NCS1: variants seen among roughly 807,000 people sequenced by gnomAD.
NCS1 encodes neuronal calcium sensor 1.
NCS1 carries 6 observed loss-of-function variants against 28.4 expected under a neutral mutation model. The observed-to-expected ratio is 0.21, with a 90% CI of 0.12 to 0.42. The LOEUF (loss-of-function observed/expected upper bound fraction) is 0.42, where lower values mean the gene tolerates loss of function less well. Among genes scored for constraint, NCS1 ranks in the 10% least tolerant of loss-of-function variants. NCS1 has a pLI of 1.00. For missense variants in NCS1, 131 were observed against 241.4 expected, an observed-to-expected ratio of 0.54 and a Z score of 3.03; for synonymous variants, 86 against 99.3, an observed-to-expected ratio of 0.87 and a Z score of 0.79.
rs1554912353 is a variant in NCS1 at position 130,233,152 on chromosome 9, C to T, written c.*180C>T. The T allele has an allele frequency of 6.5e-6, 1 of 152,736 alleles. No individual in the cohort carries two copies. The highest frequency in any genetic ancestry group is 2.4e-5 in the African/African-American group (1 of 41,406). 9.5% of individuals were successfully genotyped at this position (152,736 alleles called of 1,614,324 possible). ...TCCCCTGTCCTGCACCCATCCCCCG[C>T]CTGAAGCCACCGGCTCCAATTGCCA... On this transcript the variant is annotated 3_prime_UTR_variant, in exon 8 of 8. Coordinates refer to ENST00000372398, the MANE Select transcript of NCS1 (RefSeq NM_014286.4). This position sits in a 1 kb window ranked among gnomAD's most constrained non-coding sequence, Gnocchi z 4.8.
intron 1 of NCS1, among the ~76,000 whole-genome samples, chr9:130,199,470 G>C (rs1832915078): frequency 6.6e-6 from 1 of 152,210 alleles, no homozygotes; most frequent in South Asian, 2.1e-4. Flanking sequence ...TGTGGGAGGA[G>C]AGTGCTGACC....
chr9:130,191,386 C>T lies in NCS1; in HGVS notation c.65-9572C>T, dbSNP rs889224637. Among the ~76,000 whole-genome samples the T allele has an allele frequency of 3.9e-5, 6 of 152,146 alleles. No homozygotes were observed. The highest frequency in any genetic ancestry group is 1.4e-4 in the African/African-American group (6 of 41,440). ...CCAGGGACTCCATCTACTCGCCATTCCTGAAGACAGGCTGGGAGATCCCCC... is the reference window on the plus strand; with the variant it reads ...CCAGGGACTCCATCTACTCGCCATTTCTGAAGACAGGCTGGGAGATCCCCC... On this transcript the variant is annotated intron_variant, in intron 1 of 7. Coordinates refer to ENST00000372398, the MANE Select transcript of NCS1 (RefSeq NM_014286.4). The surrounding 1 kb of genome is among the most constrained non-coding windows in gnomAD (Gnocchi z 6.4).
At chr9:130,188,582 A>G (rs1009903993) in intron 1 of NCS1, among the ~76,000 whole-genome samples, 1 of 147,878 alleles carries the variant, frequency 6.8e-6, no homozygotes, top group Admixed American at 6.8e-5. Flanking sequence ...CTAATTTTAT[A>G]TTTTTAGTAG....
Position 130,186,058 on chromosome 9 carries a change from G to A in NCS1, c.64+13331G>A, listed in dbSNP as rs1375166837. 6.6e-6 allele frequency among the ~76,000 whole-genome samples: 1 copy of A among 152,246 alleles called. No individual in the cohort carries two copies. Among genetic ancestry groups the A allele is most frequent in the Non-Finnish European group, 1.5e-5 (1 of 68,036 alleles). On this transcript the variant is annotated intron_variant, in intron 1 of 7. Transcript: ENST00000372398. This position sits in a 1 kb window ranked among gnomAD's most constrained non-coding sequence, Gnocchi z 4.1. The stretch of plus-strand genomic sequence containing the variant: ...AGGAAGGAGGCATGGCCAGCAGGGA[G>A]CAGAGGGGAGGCCCTGGGTCCTGTG...
At chr9:130,197,616 C>CT (rs1832891741) in intron 1 of NCS1, among the ~76,000 whole-genome samples, 1 of 152,146 alleles carries the variant, frequency 6.6e-6, no homozygotes, top group African/African-American at 2.4e-5. Context: ...GGCGGGAGGG[C>CT]TGGGGGCAGG....
At position 130,177,128 on chromosome 9, in the gene NCS1, G is replaced by A. The variant is rs1299741111; in HGVS notation, c.64+4401G>A. On this transcript the variant is annotated intron_variant, in intron 1 of 7. Transcript: ENST00000372398. This position sits in a 1 kb window ranked among gnomAD's most constrained non-coding sequence, Gnocchi z 4.4. ...ATGCCCAGAATGGTGCCGGCACACA[G>A]GAGCAGGTGGAGGGCAGGAGCCCAC... 6.6e-6 allele frequency among the ~76,000 whole-genome samples: 1 copy of A among 152,226 alleles called. No individual in the cohort carries two copies. The highest frequency in any genetic ancestry group is 1.5e-5 in the Non-Finnish European group (1 of 68,044).
chr9:130,175,679 G>C lies in NCS1; in HGVS notation c.64+2952G>C, dbSNP rs1406697195. 2.0e-5 allele frequency among the ~76,000 whole-genome samples: 3 copies of C among 152,320 alleles called. No homozygotes were observed. Among genetic ancestry groups the C allele is most frequent in the African/African-American group, 4.8e-5 (2 of 41,566 alleles). On this transcript the variant is annotated intron_variant, in intron 1 of 7. Transcript: ENST00000372398. The surrounding 1 kb of genome is among the most constrained non-coding windows in gnomAD (Gnocchi z 4.9). ...GGCGTCTCTGGCTCTGTCTGTGGTG[G>C]TCTGTGTGTGTGAGGAAGCAGGAGT...
intron 7 of NCS1, among the ~76,000 whole-genome samples, chr9:130,227,475 A>G (rs1422762904): frequency 6.6e-6 from 1 of 152,234 alleles, no homozygotes; most frequent in African/African-American, 2.4e-5. Flanking sequence ...TAGTTACTAG[A>G]AAACAGTTTC....
chr9:130,201,109 G>A (rs1048951871), intron 2 of NCS1, 127 bp downstream of exon 2: 10 of 1,263,064 alleles, frequency 7.9e-6, no homozygotes, highest in South Asian at 2.4e-5. Flanking sequence ...TGAGCGTGGG[G>A]TCCAGACAGC....
Position 130,172,601 on chromosome 9 carries a change from C to T in NCS1, c.-63C>T. The T allele has an allele frequency of 8.1e-6, 8 of 991,700 alleles. No individual in the cohort carries two copies. The highest frequency in any genetic ancestry group is 1.0e-5 in the Non-Finnish European group (8 of 768,820). The allele number at this position is 991,700 out of a possible 1,614,324, so 61.4% of individuals were successfully genotyped here. On this transcript the variant is annotated 5_prime_UTR_variant, in exon 1 of 8. Transcript: ENST00000372398. The stretch of plus-strand genomic sequence containing the variant: ...CCCCGGCCCGGCCCGCCCGGCCCAG[C>T]CGCTCCTGCTGGGCGCCCCAACCGG...
At position 130,191,659 on chromosome 9, in the gene NCS1, TAATGA is replaced by T. The variant is rs1180384869; in HGVS notation, c.65-9293_65-9289del. On this transcript the variant is annotated intron_variant, in intron 1 of 7. Coordinates refer to ENST00000372398, the MANE Select transcript of NCS1 (RefSeq NM_014286.4). The surrounding 1 kb of genome is among the most constrained non-coding windows in gnomAD (Gnocchi z 6.4). Reference sequence around the variant, plus strand: ...TGGCCCCCTGGGCTGTGTGAGACGCTAATGAAATGAGGGTTCAGGCTGGTGCCGGG... The same window carrying T: ...TGGCCCCCTGGGCTGTGTGAGACGCTAATGAGGGTTCAGGCTGGTGCCGGG... Among the ~76,000 whole-genome samples the T allele has an allele frequency of 1.3e-5, 2 of 152,182 alleles. No homozygotes were observed. The highest frequency in any genetic ancestry group is 4.8e-5 in the African/African-American group (2 of 41,448).
rs1164983234 is a variant in NCS1 at position 130,232,375 on chromosome 9, A to G, written c.*18-615A>G. 4.6e-5 allele frequency among the ~76,000 whole-genome samples: 7 copies of G among 152,248 alleles called. No homozygotes were observed. In the East Asian group the frequency reaches 1.3e-3, roughly 29 times the overall value. ...CTGTTTTATCCTGTGGGTGTGTCCT[A>G]ATGTATCCCACCACTCCTCTGATAC... is the stretch of plus-strand genomic sequence containing the variant. On this transcript the variant is annotated intron_variant, in intron 7 of 7. Transcript: ENST00000372398. This position sits in a 1 kb window ranked among gnomAD's most constrained non-coding sequence, Gnocchi z 4.4.
rs1463175227 is a variant in NCS1, at chr9:130,192,721, C to T, written c.65-8237C>T. ...CGTGTGACTCCAGGGAGGTTCTCCC[C>T]CAGGAGCCGGTGCTGCAGTGAGTGG... On this transcript the variant is annotated intron_variant, in intron 1 of 7. Coordinates refer to ENST00000372398, the MANE Select transcript of NCS1 (RefSeq NM_014286.4). This position sits in a 1 kb window ranked among gnomAD's most constrained non-coding sequence, Gnocchi z 4.8. 6.6e-6 allele frequency among the ~76,000 whole-genome samples: 1 copy of T among 152,066 alleles called. No homozygotes were observed. Among genetic ancestry groups the T allele is most frequent in the Non-Finnish European group, 1.5e-5 (1 of 67,998 alleles).
chr9:130,176,211 G>A (rs1272150328), intron 1 of NCS1, among the ~76,000 whole-genome samples: 1 of 54,810 alleles, frequency 1.8e-5, no homozygotes, highest in Non-Finnish European at 4.1e-5. Context: ...TTTTTTTTTG[G>A]AGACAGGGTC....
chr9:130,236,628 CAGCTG>C lies in NCS1; in HGVS notation c.*3657_*3661del, dbSNP rs2131169799. On this transcript the variant is annotated 3_prime_UTR_variant, in exon 8 of 8. Transcript: ENST00000372398. ...GAATAAAAGGCTTTTGTTGAATAAA[CAGCTG>C]GTCCCATCTTCTGTCTTGGCATCTT... 1 of 149,430 alleles carries C rather than the reference CAGCTG, an allele frequency of 6.7e-6. No individual in the cohort carries two copies. Among genetic ancestry groups the C allele is most frequent in the East Asian group, 2.0e-4 (1 of 5,006 alleles). 9.3% of individuals were successfully genotyped at this position (149,430 alleles called of 1,614,324 possible).
chr9:130,183,972 G>A (rs1254699457), intron 1 of NCS1, among the ~76,000 whole-genome samples: 1 of 151,860 alleles, frequency 6.6e-6, no homozygotes, highest in Admixed American at 6.6e-5. Context: ...ACCATACCCT[G>A]CTAATTTTTT....
At position 130,180,691 on chromosome 9, in the gene NCS1, A is replaced by C. The variant is rs2131116878; in HGVS notation, c.64+7964A>C. Among the ~76,000 whole-genome samples the C allele has an allele frequency of 6.6e-6, 1 of 152,190 alleles. No homozygotes were observed. Among genetic ancestry groups the C allele is most frequent in the East Asian group, 1.9e-4 (1 of 5,172 alleles). On this transcript the variant is annotated intron_variant, in intron 1 of 7. Transcript: ENST00000372398. The surrounding 1 kb of genome is among the most constrained non-coding windows in gnomAD (Gnocchi z 4.5). ...GAGGTCCCTTGCGCATGAGACAGGGATGTTTGCACAGGGATCTGCACGTAG... is the reference window on the plus strand; with the variant it reads ...GAGGTCCCTTGCGCATGAGACAGGGCTGTTTGCACAGGGATCTGCACGTAG...
rs1315515889 is a variant in NCS1, at chr9:130,172,512, G to A, written c.-152G>A. On this transcript the variant is annotated 5_prime_UTR_variant, in exon 1 of 8. Transcript: ENST00000372398. Reference sequence around the variant, plus strand: ...CGGGCCTGCCCAGCGGCCGCCCCACGCCCCGGGCGCCCCGGCGCCGACAGC... The same window carrying A: ...CGGGCCTGCCCAGCGGCCGCCCCACACCCCGGGCGCCCCGGCGCCGACAGC... 5.7e-6 allele frequency: 1 copy of A among 174,066 alleles called. No homozygotes were observed. The highest frequency in any genetic ancestry group is 1.1e-5 in the Non-Finnish European group (1 of 94,878). 10.8% of individuals were successfully genotyped at this position (174,066 alleles called of 1,614,324 possible). A position where few individuals can be genotyped will look rare whatever the true frequency, so the allele number is the denominator to read the frequency against.
chr9:130,212,717 A>G (rs3897500), intron 2 of NCS1, among the ~76,000 whole-genome samples: 141,338 of 151,178 alleles, frequency 0.93, 66,119 homozygotes, highest in East Asian at 1. Context: ...AACCTGCAGG[A>G]GTGGGGGATG....
Sources: gnomAD v4.1 joint callset for allele counts (sites outside exome capture counted in the v4.1 genomes callset) on GRCh38, gnomAD v4.1.1 for gene constraint, Gnocchi (gnomAD v3.1) non-coding constraint, MANE v1.5 for transcripts, NCBI Gene and HGNC (gene_info 2026-07-23, HGNC 2026-07-21) for gene names.